The following SLC22A23 variants were observed in gnomAD, a reference collection of about 807,000 sequenced individuals.
SLC22A23 encodes the protein ion transporter protein.
SLC22A23 carries 26 observed loss-of-function variants against 61.0 expected under a neutral mutation model. The observed-to-expected ratio is 0.43, with a 90% CI of 0.31 to 0.59. The LOEUF is 0.59. Among genes scored for constraint, SLC22A23 ranks in the 20% least tolerant of loss-of-function variants. The pLI is 0.11. For synonymous variants in SLC22A23, 430 were observed against 413.9 expected, an observed-to-expected ratio of 1.04 and a Z score of -0.47; for missense variants, 796 against 934.7, an observed-to-expected ratio of 0.85 and a Z score of 1.94.
chr6:3,416,402 C>T (rs1340135765), intron 1 of SLC22A23, among the ~76,000 whole-genome samples: 1 of 152,252 alleles, frequency 6.6e-6, no homozygotes, highest in Non-Finnish European at 1.5e-5. Flanking sequence ...TTTAACTAAA[C>T]ATTCTATTTT....
At chr6:3,371,705 A>G (rs1766229823) in intron 3 of SLC22A23, among the ~76,000 whole-genome samples, 1 of 152,232 alleles carries the variant, frequency 6.6e-6, no homozygotes, top group Non-Finnish European at 1.5e-5. Context: ...AATGTTAGCT[A>G]ATCTCCTTCC....
intron 1 of SLC22A23, among the ~76,000 whole-genome samples, chr6:3,453,844 C>T (rs1233474877): frequency 6.6e-6 from 1 of 152,150 alleles, no homozygotes; most frequent in African/African-American, 2.4e-5. Flanking sequence ...GGGATGTGGG[C>T]TGACAAGCAC....
intron 7 of SLC22A23, 56 bp from the exon 8 acceptor site, chr6:3,285,167 A>G: frequency 1.2e-6 from 2 of 1,606,250 alleles, no homozygotes; most frequent in African/African-American, 1.3e-5. Flanking sequence ...AAGCGAGAAG[A>G]GAGAAGAGAG....
At chr6:3,300,002 T>C (rs1229543185) in intron 4 of SLC22A23, among the ~76,000 whole-genome samples, 2 of 36,954 alleles carry the variant, frequency 5.4e-5, no homozygotes, top group African/African-American at 3.5e-4. Context: ...GATAGACTTT[T>C]TTTTTTTTTT....
In SLC22A23 at chr6:3,329,748, C is replaced by T. The variant is rs1028241840; in HGVS notation, c.914-5746G>A. 2.6e-5 allele frequency among the ~76,000 whole-genome samples: 4 copies of T among 152,160 alleles called. No homozygotes were observed. Among genetic ancestry groups the T allele is most frequent in the African/African-American group, 4.8e-5 (2 of 41,408 alleles). On this transcript the variant is annotated intron_variant, in intron 3 of 9. Transcript: ENST00000406686. The surrounding 1 kb of genome is among the most constrained non-coding windows in gnomAD (Gnocchi z 4.8). Reference sequence around the variant, plus strand: ...GCGCACCTGGCTCATACTGAAGCCACGGAAGGCTTCCTATGTGTCGCTGGC... The same window carrying T: ...GCGCACCTGGCTCATACTGAAGCCATGGAAGGCTTCCTATGTGTCGCTGGC...
intron 6 of SLC22A23, among the ~76,000 whole-genome samples, chr6:3,288,692 A>C (rs544415083): frequency 2.0e-4 from 30 of 152,382 alleles, no homozygotes; most frequent in Admixed American, 1.1e-3. Context: ...TCCAACATAA[A>C]ATGTAGAGAA....
rs773771310 is a variant in SLC22A23, at chr6:3,283,928, C to T, written c.1627G>A (p.Val543Met). The T allele has an allele frequency of 1.9e-5, 30 of 1,608,998 alleles. No homozygotes were observed. The highest frequency in any genetic ancestry group is 4.5e-5 in the East Asian group (2 of 44,676). ...ACCGCATGGGAGGCAAACATGCCCA[C>T]GATGGAAAACGCGATGGAAAATTTG... ...KDKFSIAFSI[V>M]GMFASHAVGS... Residue 543 changes from valine to methionine, a missense_variant, in exon 9 of 10, where the codon GTG (valine) becomes ATG (methionine). Physicochemically the swap from Val to Met is conservative, Grantham distance 21. Transcript: ENST00000406686.
At chr6:3,376,481 G>A (rs1292281722) in intron 3 of SLC22A23, among the ~76,000 whole-genome samples, 2 of 151,946 alleles carry the variant, frequency 1.3e-5, no homozygotes, top group Non-Finnish European at 2.9e-5. Context: ...TTTCACCCCA[G>A]AATGTGCCTT....
At chr6:3,369,036 T>C (rs9378365) in intron 3 of SLC22A23, among the ~76,000 whole-genome samples, 106,717 of 151,866 alleles carry the variant, frequency 0.7, 37,732 homozygotes, top group East Asian at 0.84. Context: ...ACTGTCACTA[T>C]TGTGTGAGGT....
rs145882428 is a variant in SLC22A23 at position 3,440,570 on chromosome 6, G to A, written c.654+15336C>T. 6.7e-3 allele frequency among the ~76,000 whole-genome samples: 1,025 copies of A among 152,140 alleles called. 11 individuals are homozygous for A. Among genetic ancestry groups the A allele is most frequent in the African/African-American group, 0.024 (981 of 41,510 alleles). On this transcript the variant is annotated intron_variant, in intron 1 of 9. Coordinates refer to ENST00000406686, the MANE Select transcript of SLC22A23 (RefSeq NM_015482.2). ...AAAAATACAAAAATTAGCTGGGCACGGTGGCGGGCGCCTGTAATCCCAGCT... is the reference window on the plus strand; with the variant it reads ...AAAAATACAAAAATTAGCTGGGCACAGTGGCGGGCGCCTGTAATCCCAGCT...
intron 1 of SLC22A23, among the ~76,000 whole-genome samples, chr6:3,446,215 C>T (rs1771888914): frequency 6.6e-6 from 1 of 152,162 alleles, no homozygotes; most frequent in Non-Finnish European, 1.5e-5. Flanking sequence ...CCTTCCCAGC[C>T]CCTCTCCCAT....
At chr6:3,389,588 A>T (rs1767535441) in intron 3 of SLC22A23, among the ~76,000 whole-genome samples, 1 of 152,150 alleles carries the variant, frequency 6.6e-6, no homozygotes, top group Non-Finnish European at 1.5e-5. Flanking sequence ...CTTTCTGTCT[A>T]CTGCTCTCTT....
chr6:3,345,506 CA>C (rs1202633057), intron 3 of SLC22A23, among the ~76,000 whole-genome samples: 1 of 151,794 alleles, frequency 6.6e-6, no homozygotes, highest in Non-Finnish European at 1.5e-5. Flanking sequence ...GCTGGGATTA[CA>C]GGTATGCACC....
intron 9 of SLC22A23, 163 bp downstream of exon 9, chr6:3,283,689 C>T (rs746927863): frequency 2.8e-5 from 36 of 1,290,178 alleles, no homozygotes; most frequent in Admixed American, 1.0e-4. Flanking sequence ...TTGGGCGCCT[C>T]GGGGTTGGGT....
intron 3 of SLC22A23, among the ~76,000 whole-genome samples, chr6:3,394,127 A>C (rs1767852403): frequency 6.6e-6 from 1 of 152,224 alleles, no homozygotes; most frequent in African/African-American, 2.4e-5. Flanking sequence ...TGGTCAGAGA[A>C]CACCACTGTG....
chr6:3,348,844 TC>T (rs142663493), intron 3 of SLC22A23, among the ~76,000 whole-genome samples: 89 of 152,236 alleles, frequency 5.8e-4, no homozygotes, highest in African/African-American at 1.9e-3. Context: ...ACGGACCGGG[TC>T]CCCATGACCC....
At chr6:3,401,203 G>C (rs909151264) in intron 3 of SLC22A23, among the ~76,000 whole-genome samples, 1 of 152,180 alleles carries the variant, frequency 6.6e-6, no homozygotes, top group Non-Finnish European at 1.5e-5. Context: ...TTAGCCGGGC[G>C]TGGTGGCGCC....
At chr6:3,307,929 G>T (rs1762101057) in intron 4 of SLC22A23, among the ~76,000 whole-genome samples, 1 of 152,188 alleles carries the variant, frequency 6.6e-6, no homozygotes, top group Non-Finnish European at 1.5e-5. Context: ...ACCTGCTACA[G>T]CATGGGAGAA....
At chr6:3,398,476 A>G (rs1472519593) in intron 3 of SLC22A23, among the ~76,000 whole-genome samples, 2 of 118,746 alleles carry the variant, frequency 1.7e-5, no homozygotes, top group African/African-American at 3.2e-5. Context: ...TTTTTTTTTT[A>G]CAAGAATCAT....
Sources: allele counts gnomAD v4.1 joint callset (sites outside exome capture counted in the v4.1 genomes callset), GRCh38; gene constraint gnomAD v4.1.1; non-coding constraint Gnocchi (gnomAD v3.1); transcripts MANE v1.5; gene names NCBI Gene and HGNC (gene_info 2026-07-23, HGNC 2026-07-21).